Variants in CYP7B1 observed in about 807,000 individuals in gnomAD.
The protein encoded by CYP7B1 is cytochrome P450 family 7 subfamily B member 1, also known as cytochrome P450 7B1.
A neutral mutation model predicts 42.7 loss-of-function variants in CYP7B1; 29 were observed. The observed-to-expected ratio is 0.68, with a 90% CI of 0.51 to 0.93. The LOEUF (loss-of-function observed/expected upper bound fraction) is 0.93, where lower values mean the gene tolerates loss of function less well. Among genes scored for constraint, CYP7B1 ranks in the 40% least tolerant of loss-of-function variants. CYP7B1 has a pLI of 0.00. For missense variants in CYP7B1, 655 were observed against 600.5 expected (o/e 1.09, Z -0.95); for synonymous variants, 235 against 218.2 (o/e 1.08, Z -0.68).
intron 1 of CYP7B1, among the ~76,000 whole-genome samples, chr8:64,665,025 T>G (rs990645445): frequency 1.3e-5 from 2 of 152,200 alleles, no homozygotes; most frequent in African/African-American, 4.8e-5. Flanking sequence ...CTTGGCAACC[T>G]ATACAATTAT....
intron 1 of CYP7B1, among the ~76,000 whole-genome samples, chr8:64,653,933 C>T (rs1229293187): frequency 6.6e-6 from 1 of 152,078 alleles, no homozygotes; most frequent in Non-Finnish European, 1.5e-5. Flanking sequence ...TGATAAAATT[C>T]AACACCCTTA....
intron 1 of CYP7B1, among the ~76,000 whole-genome samples, chr8:64,709,587 G>A (rs1807050506): frequency 2.0e-5 from 3 of 152,084 alleles, no homozygotes; most frequent in Admixed American, 1.3e-4. Context: ...AATCTGGACT[G>A]TTTTCTATTA....
At chr8:64,769,007 T>C (rs1384993919) in intron 1 of CYP7B1, among the ~76,000 whole-genome samples, 1 of 152,180 alleles carries the variant, frequency 6.6e-6, no homozygotes, top group Non-Finnish European at 1.5e-5. Flanking sequence ...TTGCAACAAA[T>C]ATTATACATA....
chr8:64,792,885 C>A (rs1160406679), intron 1 of CYP7B1, among the ~76,000 whole-genome samples: 3 of 151,910 alleles, frequency 2.0e-5, no homozygotes, highest in African/African-American at 7.3e-5. Flanking sequence ...GTAGGATGGA[C>A]ATGAATTTTG....
intron 1 of CYP7B1, among the ~76,000 whole-genome samples, chr8:64,746,875 T>C (rs1013394858): frequency 2.0e-5 from 3 of 152,016 alleles, no homozygotes; most frequent in Non-Finnish European, 2.9e-5. Flanking sequence ...GTGGAATGTA[T>C]TTAATCCCAA....
intron 1 of CYP7B1, among the ~76,000 whole-genome samples, chr8:64,667,009 TG>T (rs1806290493): frequency 1.3e-5 from 2 of 152,204 alleles, no homozygotes; most frequent in Admixed American, 6.5e-5. Flanking sequence ...CAAATAACCT[TG>T]GAAATATCAG....
Position 64,596,828 on chromosome 8 carries a change from T to G in CYP7B1, c.1335A>C (p.Gly445=), listed in dbSNP as rs1418471432. The G allele has an allele frequency of 6.2e-7, 1 of 1,614,046 alleles. No homozygotes were observed. The highest frequency in any genetic ancestry group is 8.5e-7 in the Non-Finnish European group (1 of 1,180,008). Residue 445 remains glycine, a synonymous_variant, in exon 6 of 6, where the codon GGA becomes GGC. Coordinates refer to ENST00000310193, the MANE Select transcript of CYP7B1 (RefSeq NM_004820.5). The stretch of plus-strand genomic sequence containing the variant: ...AAAATCGGCCTGGACATTTGCTGGT[T>G]CCAGTTCCAAACGGCATTAGGTAAC... ...LKCYLMPFGT[G]TSKCPGRFFA... is the part of the protein sequence containing the mutation.
chr8:64,590,060 A>G (rs528368862), downstream of CYP7B1, among the ~76,000 whole-genome samples: 202 of 152,364 alleles, frequency 1.3e-3, no homozygotes, highest in Middle Eastern at 3.4e-3. Context: ...TATTATTCAC[A>G]TGATCATTGC....
At chr8:64,632,066 CT>C (rs1805705091) in intron 1 of CYP7B1, among the ~76,000 whole-genome samples, 1 of 152,074 alleles carries the variant, frequency 6.6e-6, no homozygotes, top group Non-Finnish European at 1.5e-5. Flanking sequence ...ATATAATCCA[CT>C]TCTGGATATT....
intron 1 of CYP7B1, among the ~76,000 whole-genome samples, chr8:64,643,295 G>A (rs927015409): frequency 2.1e-4 from 32 of 151,364 alleles, no homozygotes; most frequent in South Asian, 4.2e-4. Flanking sequence ...AGCAAATGTC[G>A]CAATAAAGTG....
intron 1 of CYP7B1, among the ~76,000 whole-genome samples, chr8:64,731,694 G>GC (rs1160035616): frequency 6.6e-6 from 1 of 152,234 alleles, no homozygotes; most frequent in Non-Finnish European, 1.5e-5. Flanking sequence ...CTTCACAGCA[G>GC]CCCCTCTCAT....
At chr8:64,711,907 G>C (rs1020349213) in intron 1 of CYP7B1, among the ~76,000 whole-genome samples, 1 of 152,038 alleles carries the variant, frequency 6.6e-6, no homozygotes, top group African/African-American at 2.4e-5. Context: ...TTTCTGTCTT[G>C]GTGACTATGT....
chr8:64,647,147 A>G (rs1429920719), intron 1 of CYP7B1, among the ~76,000 whole-genome samples: 2 of 152,128 alleles, frequency 1.3e-5, no homozygotes, highest in Admixed American at 1.3e-4. Flanking sequence ...GAGGAGAGAG[A>G]AAAAGATGGG....
Position 64,798,624 on chromosome 8 carries a change from C to T in CYP7B1, c.-37G>A, listed in dbSNP as rs1290340571. 9.7e-6 allele frequency: 14 copies of T among 1,448,300 alleles called. No individual in the cohort carries two copies. Among genetic ancestry groups the T allele is most frequent in the South Asian group, 4.1e-5 (3 of 72,976 alleles). 89.7% of individuals were successfully genotyped at this position (1,448,300 alleles called of 1,614,324 possible). On this transcript the variant is annotated 5_prime_UTR_variant, in exon 1 of 6. Coordinates refer to ENST00000310193, the MANE Select transcript of CYP7B1 (RefSeq NM_004820.5). ...TAGGCCGCGGTGGGCAGCCCGGGGTCTGCCTGCGAACAGCGCGGTCGGCGA... is the reference window on the plus strand; with the variant it reads ...TAGGCCGCGGTGGGCAGCCCGGGGTTTGCCTGCGAACAGCGCGGTCGGCGA...
At chr8:64,629,318 T>C (rs1010212830) in intron 1 of CYP7B1, among the ~76,000 whole-genome samples, 2 of 152,010 alleles carry the variant, frequency 1.3e-5, no homozygotes, top group Non-Finnish European at 2.9e-5. Context: ...CTGTAATCAT[T>C]CTAGGCTAGG....
At chr8:64,621,641 G>C (rs1293842798) in intron 2 of CYP7B1, among the ~76,000 whole-genome samples, 2 of 152,136 alleles carry the variant, frequency 1.3e-5, no homozygotes, top group East Asian at 3.9e-4. Context: ...CCTGATCTTG[G>C]GGAGCCTCAT....
chr8:64,688,246 T>A (rs898551874), intron 1 of CYP7B1, among the ~76,000 whole-genome samples: 4 of 152,148 alleles, frequency 2.6e-5, no homozygotes, highest in Admixed American at 1.3e-4. Flanking sequence ...TCTATCTCCA[T>A]CTTCTCTCTG....
At chr8:64,754,146 G>A (rs1000048048) in intron 1 of CYP7B1, among the ~76,000 whole-genome samples, 7 of 152,216 alleles carry the variant, frequency 4.6e-5, no homozygotes, top group Admixed American at 2.0e-4. Context: ...GGGGACAGAG[G>A]GTGTGAGGAG....
At chr8:64,781,139 G>A (rs1290062364) in intron 1 of CYP7B1, among the ~76,000 whole-genome samples, 1 of 152,124 alleles carries the variant, frequency 6.6e-6, no homozygotes, top group Non-Finnish European at 1.5e-5. Context: ...TATTAGCACA[G>A]TGGCAAAGGC....
Sources: allele counts gnomAD v4.1 joint callset (sites outside exome capture counted in the v4.1 genomes callset), GRCh38; gene constraint gnomAD v4.1.1; transcripts MANE v1.5; gene names NCBI Gene and HGNC (gene_info 2026-07-23, HGNC 2026-07-21).